Variants in BACH2 observed in about 807,000 individuals in gnomAD.
BACH2 encodes BACH transcriptional regulator 2.
A neutral mutation model predicts 61.8 loss-of-function variants in BACH2; 5 were observed. The ratio of observed to expected loss-of-function variants is 0.08; its 90% CI spans 0.04 to 0.17. BACH2 has a LOEUF of 0.17. BACH2 is among the 10% of genes least tolerant of loss of function. The probability of loss-of-function intolerance (pLI) is 1.00; values close to 1 mark genes in which losing one functional copy is unlikely to be tolerated. For synonymous variants in BACH2, 446 were observed against 440.1 expected (o/e 1.01, Z -0.17); for missense variants, 824 against 1,091.1 (o/e 0.76, Z 3.45).
intron 5 of BACH2, among the ~76,000 whole-genome samples, chr6:90,064,965 C>G (rs539216208): frequency 6.6e-6 from 1 of 152,030 alleles, no homozygotes; most frequent in African/African-American, 2.4e-5. Context: ...ACACTGGGGT[C>G]GGGAAGAATG....
chr6:90,091,858 A>C (rs1782173616), intron 4 of BACH2, among the ~76,000 whole-genome samples: 1 of 152,118 alleles, frequency 6.6e-6, no homozygotes, highest in South Asian at 2.1e-4. Flanking sequence ...GAAGTGGACC[A>C]TTTCCTTCAC....
intron 7 of BACH2, among the ~76,000 whole-genome samples, chr6:89,945,175 T>C (rs946788202): frequency 3.3e-5 from 5 of 152,206 alleles, no homozygotes; most frequent in South Asian, 2.1e-4. Flanking sequence ...AGGAATATTA[T>C]GGAAATAACT....
chr6:89,934,095 C>T (rs371677496), intron 8 of BACH2, among the ~76,000 whole-genome samples: 1 of 152,218 alleles, frequency 6.6e-6, no homozygotes, highest in African/African-American at 2.4e-5. Flanking sequence ...TCAGCAGGCT[C>T]TCTGGCCTTG....
At chr6:90,161,036 C>T (rs1460587174) in intron 4 of BACH2, among the ~76,000 whole-genome samples, 2 of 143,184 alleles carry the variant, frequency 1.4e-5, no homozygotes, top group Admixed American at 7.5e-5. Context: ...TGCAGTGAGC[C>T]GAGATCGGGC....
chr6:90,278,537 A>G (rs1300201026), intron 1 of BACH2, among the ~76,000 whole-genome samples: 2 of 152,190 alleles, frequency 1.3e-5, no homozygotes, highest in African/African-American at 4.8e-5. Flanking sequence ...ATGTGCTCAT[A>G]TCTTGCTTCC....
intron 5 of BACH2, among the ~76,000 whole-genome samples, chr6:90,079,796 C>T (rs1234240965): frequency 1.3e-5 from 2 of 152,174 alleles, no homozygotes; most frequent in African/African-American, 4.8e-5. Context: ...GCCACCCACA[C>T]TGCCCCACCT....
chr6:89,989,230 T>C (rs548916836), intron 6 of BACH2, among the ~76,000 whole-genome samples: 4 of 152,322 alleles, frequency 2.6e-5, no homozygotes, highest in South Asian at 4.1e-4. Context: ...ATTCACACTA[T>C]TGTAAAACAA....
At chr6:90,274,617 C>T (rs535864191) in intron 1 of BACH2, among the ~76,000 whole-genome samples, 13 of 152,326 alleles carry the variant, frequency 8.5e-5, no homozygotes, top group Non-Finnish European at 1.8e-4. Context: ...AGCAGACAAC[C>T]CCCACACACT....
At chr6:89,960,670 T>C (rs1196280062) in intron 6 of BACH2, among the ~76,000 whole-genome samples, 5 of 152,234 alleles carry the variant, frequency 3.3e-5, no homozygotes, top group Non-Finnish European at 7.3e-5. Flanking sequence ...ACGAAGCCCT[T>C]TTACCACATG....
At chr6:90,202,714 T>C (rs1189486662) in intron 4 of BACH2, among the ~76,000 whole-genome samples, 1 of 152,210 alleles carries the variant, frequency 6.6e-6, no homozygotes, top group Non-Finnish European at 1.5e-5. Context: ...CAGAACAGCA[T>C]GTGACATGCC....
At chr6:89,971,833 G>A (rs1012872878) in intron 6 of BACH2, among the ~76,000 whole-genome samples, 4 of 152,154 alleles carry the variant, frequency 2.6e-5, no homozygotes, top group Non-Finnish European at 1.5e-5. Context: ...AACCGCCCCC[G>A]TGATTCAGTT....
At chr6:90,038,499 T>C (rs993547330) in intron 5 of BACH2, among the ~76,000 whole-genome samples, 1 of 152,170 alleles carries the variant, frequency 6.6e-6, no homozygotes, top group African/African-American at 2.4e-5. Context: ...CTTCTAAAGA[T>C]GGTTTGAAAA....
chr6:90,068,065 T>C (rs886897918), intron 5 of BACH2, among the ~76,000 whole-genome samples: 2 of 152,198 alleles, frequency 1.3e-5, no homozygotes, highest in African/African-American at 4.8e-5. Context: ...ACCCAAAGCA[T>C]AAACAAAATC....
At chr6:90,147,470 C>T (rs1163800796) in intron 4 of BACH2, among the ~76,000 whole-genome samples, 2 of 152,268 alleles carry the variant, frequency 1.3e-5, no homozygotes, top group East Asian at 1.9e-4. Context: ...AGCCGTTCCG[C>T]GGCAGCCACT....
At chr6:90,112,357 G>A (rs933806436) in intron 4 of BACH2, among the ~76,000 whole-genome samples, 1 of 152,056 alleles carries the variant, frequency 6.6e-6, no homozygotes, top group African/African-American at 2.4e-5. Flanking sequence ...AGAGAGAAAG[G>A]GCAGGTCAAC....
intron 6 of BACH2, among the ~76,000 whole-genome samples, chr6:89,954,057 A>T (rs1774274087): frequency 6.6e-6 from 1 of 152,022 alleles, no homozygotes; most frequent in Non-Finnish European, 1.5e-5. Context: ...TAACTGAAGA[A>T]GATGACAAGA....
Position 90,077,246 on chromosome 6 carries a change from T to C in BACH2, c.-13+11715A>G, listed in dbSNP as rs79029007. Among the ~76,000 whole-genome samples the C allele has an allele frequency of 5.3e-5, 8 of 152,228 alleles. No individual in the cohort carries two copies. The East Asian group carries it at 1.4e-3, about 26-fold the overall frequency. On this transcript the variant is annotated intron_variant, in intron 5 of 8. Coordinates refer to ENST00000257749, the MANE Select transcript of BACH2 (RefSeq NM_021813.4). ...TATCACCTTCTCTCACCTATTATTT[T>C]TACAGAAACTTCGGTCTATGGCAAA...
At chr6:90,259,437 T>C (rs1440137460) in intron 2 of BACH2, among the ~76,000 whole-genome samples, 1 of 152,210 alleles carries the variant, frequency 6.6e-6, no homozygotes, top group Admixed American at 6.5e-5. Context: ...AGTCATGACA[T>C]GTAATCTTTT....
At chr6:90,213,170 G>A (rs1156522963) in intron 3 of BACH2, among the ~76,000 whole-genome samples, 1 of 152,168 alleles carries the variant, frequency 6.6e-6, no homozygotes. Flanking sequence ...GAAAGGTCAG[G>A]TCTGGGAAGA....
Sources: allele counts gnomAD v4.1 joint callset (sites outside exome capture counted in the v4.1 genomes callset), GRCh38; gene constraint gnomAD v4.1.1; transcripts MANE v1.5; gene names NCBI Gene and HGNC (gene_info 2026-07-23, HGNC 2026-07-21).